The following TENM3 variants were observed in gnomAD, a reference collection of about 807,000 sequenced individuals.
TENM3 encodes teneurin transmembrane protein 3, also known as teneurin-3.
A neutral mutation model predicts 255.1 loss-of-function variants in TENM3; 63 were observed. The observed-to-expected ratio is 0.25, with a 90% CI of 0.20 to 0.30. TENM3 has a LOEUF of 0.30. Among genes scored for constraint, TENM3 ranks in the 10% least tolerant of loss-of-function variants. TENM3 has a pLI of 1.00. For synonymous variants in TENM3, 1,306 were observed against 1,322.3 expected, an observed-to-expected ratio of 0.99 and a Z score of 0.27; for missense variants, 2,929 against 3,461.1, an observed-to-expected ratio of 0.85 and a Z score of 3.86.
the TENM3 span, among the ~76,000 whole-genome samples, chr4:181,561,843 T>C: frequency 3.3e-5 from 5 of 152,232 alleles, no homozygotes; most frequent in African/African-American, 9.6e-5. Context: ...TGAACAACAC[T>C]GTTATGCCTT....
At position 182,324,223 on chromosome 4, in the gene TENM3, A is replaced by G; in HGVS notation, c.203A>G (p.His68Arg). The stretch of plus-strand genomic sequence containing the variant: ...GGCAACAGAGTGAAGGATTTGGTTC[A>G]CAGAGAAGCAGACGAGTTCACTAGA... The part of the protein sequence containing the change: ...LYGNRVKDLV[H>R]READEFTRQG... Residue 68 changes from histidine to arginine, a missense_variant, in exon 2 of 28, where the codon CAC becomes CGC. Physicochemically the swap from His to Arg is conservative, Grantham distance 29 (BLOSUM62 0). Coordinates refer to ENST00000511685, the MANE Select transcript of TENM3 (RefSeq NM_001080477.4). The G allele has an allele frequency of 1.2e-6, 2 of 1,613,976 alleles. No homozygotes were observed. The highest frequency in any genetic ancestry group is 8.5e-7 in the Non-Finnish European group (1 of 1,179,836).
At chr4:182,437,189 A>G (rs1406535359) in intron 3 of TENM3, among the ~76,000 whole-genome samples, 1 of 152,250 alleles carries the variant, frequency 6.6e-6, no homozygotes, top group Non-Finnish European at 1.5e-5. Context: ...TAAATCGTAT[A>G]TGCATTAAGA....
the TENM3 span, among the ~76,000 whole-genome samples, chr4:181,524,166 C>T: frequency 8.5e-5 from 13 of 152,186 alleles, no homozygotes; most frequent in Admixed American, 2.0e-4. Context: ...CCGTGATTTC[C>T]GTGGTTTTGG....
chr4:181,858,292 A>G, the TENM3 span, among the ~76,000 whole-genome samples: 2 of 152,208 alleles, frequency 1.3e-5, no homozygotes, highest in Admixed American at 6.5e-5. Flanking sequence ...ATACTTTGCA[A>G]GATTTATTTG....
At chr4:181,927,738 C>T in the TENM3 span, among the ~76,000 whole-genome samples, 4 of 152,200 alleles carry the variant, frequency 2.6e-5, no homozygotes, top group African/African-American at 9.6e-5. Flanking sequence ...GGAGACACCT[C>T]CCAGCACGGG....
chr4:182,110,548 A>G, the TENM3 span, among the ~76,000 whole-genome samples: 2 of 151,986 alleles, frequency 1.3e-5, no homozygotes. Context: ...CTGTTCTCAA[A>G]TTCCTGGGCT....
the TENM3 span, among the ~76,000 whole-genome samples, chr4:181,818,285 A>G: frequency 1.3e-5 from 2 of 152,148 alleles, no homozygotes; most frequent in Admixed American, 6.5e-5. Context: ...GAAGTACGGG[A>G]GATTATTTTT....
chr4:182,793,519 G>T lies in TENM3; in HGVS notation c.6847G>T (p.Ala2283Ser). The change falls in exon 26 of 28, where the codon GCC becomes TCC. Residue 2283 changes from alanine (A) to serine (S), a missense_variant. Physicochemically the swap from Ala to Ser is moderately conservative, Grantham distance 99. Around this residue, in one of 6 missense-constraint regions of TENM3, gnomAD observed 256 missense variants for 389.3 expected, o/e 0.66. Coordinates refer to ENST00000511685, the MANE Select transcript of TENM3 (RefSeq NM_001080477.4). This position sits in a 1 kb window ranked among gnomAD's most constrained non-coding sequence, Gnocchi z 5.7. The stretch of plus-strand genomic sequence containing the variant: ...TTATGATCTCCAAGGACATCTTTTT[G>T]CCATGGAAATCAGCAGTGGGGATGA... Reference protein sequence around the residue: ...LYYDLQGHLFAMEISSGDEFY... With the variant: ...LYYDLQGHLFSMEISSGDEFY... 6.2e-7 allele frequency: 1 copy of T among 1,613,902 alleles called. No homozygotes were observed. Among genetic ancestry groups the T allele is most frequent in the Non-Finnish European group, 8.5e-7 (1 of 1,179,842 alleles).
At chr4:181,609,079 A>C in the TENM3 span, among the ~76,000 whole-genome samples, 1 of 152,110 alleles carries the variant, frequency 6.6e-6, no homozygotes, top group African/African-American at 2.4e-5. Context: ...AAAGGAAGAC[A>C]GGAAAGGAGA....
intron 1 of TENM3, among the ~76,000 whole-genome samples, chr4:182,303,315 G>T (rs1034739965): frequency 6.6e-6 from 1 of 152,226 alleles, no homozygotes. Context: ...TCACACGTTG[G>T]TTACTGTGCT....
intron 1 of TENM3, among the ~76,000 whole-genome samples, chr4:182,263,001 T>C (rs1350908666): frequency 6.6e-6 from 1 of 152,120 alleles, no homozygotes; most frequent in Non-Finnish European, 1.5e-5. Context: ...AACTTGCTTT[T>C]ACTTTGCACT....
chr4:181,570,062 G>A, the TENM3 span, among the ~76,000 whole-genome samples: 2 of 131,682 alleles, frequency 1.5e-5, no homozygotes, highest in South Asian at 4.7e-4. Context: ...TTTTTGAGAC[G>A]GAGTCTCGCT....
the TENM3 span, among the ~76,000 whole-genome samples, chr4:181,607,552 T>G: frequency 1.3e-5 from 2 of 151,972 alleles, no homozygotes; most frequent in East Asian, 1.9e-4. Context: ...GTAGCTGAGA[T>G]TACCATGCCC....
chr4:182,316,963 C>A (rs537590382), intron 1 of TENM3, among the ~76,000 whole-genome samples: 1 of 152,302 alleles, frequency 6.6e-6, no homozygotes, highest in East Asian at 1.9e-4. Context: ...TGTTTCTCAT[C>A]TCTCAGGATT....
At chr4:182,590,653 A>G (rs574212752) in intron 3 of TENM3, among the ~76,000 whole-genome samples, 1 of 151,570 alleles carries the variant, frequency 6.6e-6, no homozygotes, top group East Asian at 1.9e-4. Flanking sequence ...AGATGAAGAG[A>G]TCAAGACCAT....
intron 3 of TENM3, among the ~76,000 whole-genome samples, chr4:182,562,910 C>G (rs1743357862): frequency 6.6e-6 from 1 of 152,072 alleles, no homozygotes; most frequent in Non-Finnish European, 1.5e-5. Flanking sequence ...TTGCCAGCCT[C>G]ATTGTTTCTA....
intron 3 of TENM3, among the ~76,000 whole-genome samples, chr4:182,553,790 G>C (rs1270094712): frequency 3.9e-5 from 6 of 152,182 alleles, no homozygotes; most frequent in Admixed American, 2.0e-4. Context: ...AGAAAATGGA[G>C]AGTTAGAGTC....
chr4:182,262,867 C>T (rs1318459181), intron 1 of TENM3, among the ~76,000 whole-genome samples: 1 of 151,958 alleles, frequency 6.6e-6, no homozygotes, highest in South Asian at 2.1e-4. Context: ...GCACCCACCA[C>T]CACGCCCGGC....
intron 3 of TENM3, among the ~76,000 whole-genome samples, chr4:182,358,903 A>T (rs2150758645): frequency 6.6e-6 from 1 of 151,780 alleles, no homozygotes; most frequent in South Asian, 2.1e-4. Context: ...ATCAATACCT[A>T]ATTTATTAAG....
Sources: gnomAD v4.1 joint callset for allele counts (sites outside exome capture counted in the v4.1 genomes callset) on GRCh38, gnomAD v4.1.1 for gene constraint, gnomAD v4.1.1 regional missense constraint, Gnocchi (gnomAD v3.1) non-coding constraint, MANE v1.5 for transcripts, NCBI Gene and HGNC (gene_info 2026-07-23, HGNC 2026-07-21) for gene names.